CLN3: variants seen among roughly 807,000 people sequenced by gnomAD.
The protein encoded by CLN3 is battenin.
CLN3 carries 49 observed loss-of-function variants against 60.7 expected under a neutral mutation model. The ratio of observed to expected loss-of-function variants is 0.81; its 90% CI spans 0.64 to 1.02. The LOEUF (loss-of-function observed/expected upper bound fraction) is 1.02, where lower values mean the gene tolerates loss of function less well. CLN3 is among the 50% of genes least tolerant of loss of function. The pLI, the probability that CLN3 is intolerant of heterozygous loss-of-function variation, is 0.00. For synonymous variants in CLN3, 256 were observed against 245.8 expected (o/e 1.04, Z -0.39); for missense variants, 516 against 557.4 (o/e 0.93, Z 0.75).
chr16:28,478,661 A>C (rs2520425), intron 14 of CLN3, among the ~76,000 whole-genome samples: 1 of 148,246 alleles, frequency 6.7e-6, no homozygotes, highest in Admixed American at 6.7e-5. Flanking sequence ...GGCTTCTTAA[A>C]GGAAGTGGGA....
At chr16:28,486,311 T>C (rs1346648109) in intron 9 of CLN3, 36 bp downstream of exon 9, 1 of 1,610,610 alleles carries the variant, frequency 6.2e-7, no homozygotes, top group South Asian at 1.1e-5. Context: ...TTTTCTCTCC[T>C]TGGACCCCTC....
chr16:28,467,846 GGGATTACA>G, the CLN3 span, among the ~76,000 whole-genome samples: 1 of 122,624 alleles, frequency 8.2e-6, no homozygotes, highest in Non-Finnish European at 1.8e-5. Context: ...CCAAAGTGCT[GGGATTACA>G]GGCATGAGCC....
downstream of CLN3, chr16:28,474,177 A>G (rs562343335): frequency 1.3e-5 from 2 of 152,420 alleles, no homozygotes; most frequent in Non-Finnish European, 2.9e-5. Context: ...CTGAGGCAGA[A>G]GAATAGCTTG....
intron 3 of CLN3, chr16:28,491,113 T>A (rs1878429700): frequency 1.7e-5 from 3 of 181,024 alleles, no homozygotes; most frequent in Non-Finnish European, 3.4e-5. Context: ...ATTAAAAAAA[T>A]AAAAAAGTTT....
intron 10 of CLN3, among the ~76,000 whole-genome samples, chr16:28,483,380 C>T (rs551660015): frequency 1.8e-4 from 27 of 152,110 alleles, no homozygotes; most frequent in African/African-American, 4.8e-4. Context: ...CACCACCACA[C>T]CTGGCTAATT....
intron 3 of CLN3, chr16:28,490,518 TG>T (rs1452176841): frequency 2.0e-5 from 3 of 149,344 alleles, no homozygotes; most frequent in Non-Finnish European, 4.4e-5. Flanking sequence ...CCCAGCACTT[TG>T]GGAGGCCGAG....
chr16:28,489,319 GGCT>G lies in CLN3; in HGVS notation c.190_192del (p.Ser64del). ...CTCTGGTTTCCCGATGTCCTCTTGTGGCTAAGGATGTCGTGGGCGGCACTCAGC... is the reference window on the plus strand; with the variant it reads ...CTCTGGTTTCCCGATGTCCTCTTGTGAAGGATGTCGTGGGCGGCACTCAGC... On this transcript the variant is annotated inframe_deletion, in exon 4 of 16. Coordinates refer to ENST00000636147, the MANE Select transcript of CLN3 (RefSeq NM_001042432.2). The G allele has an allele frequency of 6.2e-7, 1 of 1,613,474 alleles. No individual in the cohort carries two copies. Among genetic ancestry groups the G allele is most frequent in the Non-Finnish European group, 8.5e-7 (1 of 1,179,782 alleles).
intron 7 of CLN3, 32 bp downstream of exon 7, chr16:28,487,424 G>T (rs575492994): frequency 1.9e-6 from 3 of 1,555,874 alleles, no homozygotes; most frequent in Middle Eastern, 1.7e-4. Flanking sequence ...GTTCCTCGGG[G>T]CTCCCCATCT....
chr16:28,480,470 G>A (rs1030771513), intron 14 of CLN3, among the ~76,000 whole-genome samples: 4 of 151,686 alleles, frequency 2.6e-5, no homozygotes, highest in Non-Finnish European at 5.9e-5. Flanking sequence ...CTGCAATCTC[G>A]GCTCACTGCA....
Position 28,477,945 on chromosome 16 carries a change from C to T in CLN3, c.1057-68G>A, listed in dbSNP as rs990589271. The T allele has an allele frequency of 7.7e-6, 12 of 1,568,504 alleles. No homozygotes were observed. The African/African-American group carries it at 1.6e-4, about 21-fold the overall frequency. The stretch of plus-strand genomic sequence containing the variant: ...CAGGGAAGGAGAGGTGGCCTCCCCT[C>T]CAGGGGTCCCTGGTTTTAGGAGTTA... On this transcript the variant is annotated intron_variant, in intron 14 of 15. Transcript: ENST00000636147.
chr16:28,477,707 A>AC, intron 15 of CLN3, 30 bp downstream of exon 15: 6 of 1,614,000 alleles, frequency 3.7e-6, no homozygotes, highest in Non-Finnish European at 5.1e-6. Context: ...TGGACAGGCC[A>AC]CCCCCAGCCC....
In CLN3 at chr16:28,477,721, C is replaced by T. The variant is rs760807861; in HGVS notation, c.1197+16G>A. The T allele has an allele frequency of 1.9e-6, 3 of 1,614,132 alleles. No homozygotes were observed. Among genetic ancestry groups the T allele is most frequent in the African/African-American group, 1.3e-5 (1 of 75,040 alleles). The stretch of plus-strand genomic sequence containing the variant: ...CTGGACAGGCCACCCCCAGCCCTTG[C>T]CCGGCCAATGCTGACCTCCAGGGCG... On this transcript the variant is annotated intron_variant, in intron 15 of 15. Coordinates refer to ENST00000636147, the MANE Select transcript of CLN3 (RefSeq NM_001042432.2).
intron 3 of CLN3, chr16:28,490,476 A>T (rs2046295530): frequency 6.8e-6 from 1 of 146,470 alleles, no homozygotes; most frequent in Non-Finnish European, 1.5e-5. Context: ...AAAAAAAAAA[A>T]AAAGCTGGGC....
chr16:28,472,940 CTT>C (rs374274706), downstream of CLN3, among the ~76,000 whole-genome samples: 1,236 of 150,608 alleles, frequency 8.2e-3, 15 homozygotes, highest in African/African-American at 0.026. Flanking sequence ...CCCCGCCCCT[CTT>C]TGTTTGTTTT....
chr16:28,485,105 T>G (rs1171621483), intron 9 of CLN3, among the ~76,000 whole-genome samples: 1 of 151,698 alleles, frequency 6.6e-6, no homozygotes, highest in African/African-American at 2.4e-5. Flanking sequence ...CCACCAAGCC[T>G]GGCTAATTTT....
the CLN3 span, among the ~76,000 whole-genome samples, chr16:28,467,666 CT>C: frequency 6.7e-6 from 1 of 148,460 alleles, no homozygotes; most frequent in Non-Finnish European, 1.5e-5. Flanking sequence ...CAACCTCTGC[CT>C]CTCAGGTTCA....
intron 9 of CLN3, chr16:28,484,912 G>A (rs918846215): frequency 2.0e-5 from 3 of 149,962 alleles, no homozygotes; most frequent in African/African-American, 7.3e-5. Flanking sequence ...CACTAATCTT[G>A]TGAAGGGCCA....
downstream of CLN3, among the ~76,000 whole-genome samples, chr16:28,472,214 A>C (rs973537284): frequency 1.3e-5 from 2 of 151,926 alleles, no homozygotes; most frequent in Non-Finnish European, 2.9e-5. Flanking sequence ...GGAGTTTGAG[A>C]CCAGACTGGG....
At chr16:28,471,871 G>T (rs1308097678), downstream of CLN3, among the ~76,000 whole-genome samples, 1 of 152,050 alleles carries the variant, frequency 6.6e-6, no homozygotes, top group Non-Finnish European at 1.5e-5. Context: ...ACCTCTCAGG[G>T]ATGTCCAAGG....
Sources: allele counts gnomAD v4.1 joint callset (sites outside exome capture counted in the v4.1 genomes callset), GRCh38; gene constraint gnomAD v4.1.1; transcripts MANE v1.5; gene names NCBI Gene and HGNC (gene_info 2026-07-23, HGNC 2026-07-21).